Variants in RASSF5 observed in about 807,000 individuals in gnomAD.
RASSF5 encodes the protein ras association domain-containing protein 5.
In RASSF5, 25 loss-of-function variants were observed where a neutral mutation model predicts 40.5. That is an observed-to-expected ratio of 0.62 (90% CI 0.45 to 0.86). The LOEUF (loss-of-function observed/expected upper bound fraction) is 0.86. Among genes scored for constraint, RASSF5 ranks in the 40% least tolerant of loss-of-function variants. The probability of loss-of-function intolerance (pLI) is 0.00; values close to 1 mark genes in which losing one functional copy is unlikely to be tolerated. For synonymous variants in RASSF5, 246 were observed against 252.4 expected, an observed-to-expected ratio of 0.97 and a Z score of 0.24; for missense variants, 521 against 572.8, an observed-to-expected ratio of 0.91 and a Z score of 0.92.
intron 1 of RASSF5, among the ~76,000 whole-genome samples, chr1:206,533,014 C>G (rs1189278855): frequency 6.6e-6 from 1 of 152,188 alleles, no homozygotes; most frequent in Non-Finnish European, 1.5e-5. Context: ...GGGGCAAAAA[C>G]TAACATTGGC....
intron 2 of RASSF5, among the ~76,000 whole-genome samples, chr1:206,570,898 A>G (rs1553404104): frequency 6.6e-6 from 1 of 152,092 alleles, no homozygotes; most frequent in Non-Finnish European, 1.5e-5. Flanking sequence ...GGGTGTTCAA[A>G]TACTGGTTTT....
chr1:206,563,281 GTC>G (rs1668197709), intron 2 of RASSF5, among the ~76,000 whole-genome samples: 1 of 152,196 alleles, frequency 6.6e-6, no homozygotes, highest in African/African-American at 2.4e-5. Context: ...GCATTTAGCT[GTC>G]TCTGCCACAC....
intron 1 of RASSF5, among the ~76,000 whole-genome samples, chr1:206,524,646 T>TTATATATTATGTATAATATATAAAA (rs1667046224): frequency 1.6e-5 from 2 of 128,362 alleles, no homozygotes; most frequent in African/African-American, 6.0e-5. Flanking sequence ...AAAATATATA[T>TTATATATTATGTATAATATATAAAA]TATATATTAT....
chr1:206,567,891 G>T (rs1230643278), intron 2 of RASSF5, among the ~76,000 whole-genome samples: 1 of 152,164 alleles, frequency 6.6e-6, no homozygotes, highest in Non-Finnish European at 1.5e-5. Context: ...CATTATTGTT[G>T]CTACTTAAGA....
At chr1:206,509,435 T>A (rs1348807271) in intron 1 of RASSF5, among the ~76,000 whole-genome samples, 2 of 152,244 alleles carry the variant, frequency 1.3e-5, no homozygotes, top group Non-Finnish European at 2.9e-5. Flanking sequence ...TAAAGGTTTG[T>A]AGAGGTACAT....
intron 1 of RASSF5, among the ~76,000 whole-genome samples, chr1:206,523,515 A>G (rs1666973641): frequency 9.9e-6 from 1 of 101,158 alleles, no homozygotes; most frequent in Non-Finnish European, 1.8e-5. Context: ...TATATATTAT[A>G]TATTATATAT....
At chr1:206,585,405 G>A in intron 5 of RASSF5, 110 bp downstream of exon 5, 2 of 789,884 alleles carry the variant, frequency 2.5e-6, no homozygotes, top group East Asian at 2.5e-5. Context: ...GCACGGGCAG[G>A]AAGGTGACTG....
chr1:206,550,267 T>C (rs1351220677), intron 2 of RASSF5, among the ~76,000 whole-genome samples: 1 of 152,228 alleles, frequency 6.6e-6, no homozygotes, highest in African/African-American at 2.4e-5. Context: ...GGAGGATATA[T>C]CTGAATCCTA....
In RASSF5 at chr1:206,550,275, C is replaced by T. The variant is rs1667799604; in HGVS notation, c.579+11982C>T. 2.0e-5 allele frequency among the ~76,000 whole-genome samples: 3 copies of T among 152,220 alleles called. No individual in the cohort carries two copies. The South Asian group carries it at 6.2e-4, about 32-fold the overall frequency. ...TTAATCAGGAGGATATATCTGAATC[C>T]TATTCCCTCATCTTTGCCAGAAGCA... On this transcript the variant is annotated intron_variant, in intron 2 of 5. Transcript: ENST00000579436.
rs1666479502 is a variant in RASSF5, at chr1:206,507,543, G to T, written c.-60G>T. ...GGGGCGGCCCCTTCTCTCGGGGCTG[G>T]CTCGGGAGTAGCGCAGTCGCCAAAG... On this transcript the variant is annotated 5_prime_UTR_variant, in exon 1 of 6. Coordinates refer to ENST00000579436, the MANE Select transcript of RASSF5 (RefSeq NM_182663.4). The T allele has an allele frequency of 2.3e-6, 3 of 1,323,988 alleles. No homozygotes were observed. The highest frequency in any genetic ancestry group is 2.7e-4 in the Middle Eastern group (1 of 3,746). 82.0% of individuals were successfully genotyped at this position (1,323,988 alleles called of 1,614,324 possible).
chr1:206,519,016 GC>G (rs1666835775), intron 1 of RASSF5, among the ~76,000 whole-genome samples: 1 of 152,074 alleles, frequency 6.6e-6, no homozygotes, highest in Admixed American at 6.5e-5. Flanking sequence ...TAGTGAAGGT[GC>G]AGGCTGCATG....
At chr1:206,570,963 T>C (rs904631316) in intron 2 of RASSF5, among the ~76,000 whole-genome samples, 5 of 152,182 alleles carry the variant, frequency 3.3e-5, no homozygotes, top group Admixed American at 6.5e-5. Flanking sequence ...AGAAGTGTAA[T>C]TGCTGGATCA....
intron 1 of RASSF5, among the ~76,000 whole-genome samples, chr1:206,508,873 C>G (rs1266120834): frequency 6.6e-6 from 1 of 152,096 alleles, no homozygotes; most frequent in Non-Finnish European, 1.5e-5. Flanking sequence ...AAACACTGGG[C>G]CCCCAGTGTA....
chr1:206,581,960 C>T (rs1171722642), intron 2 of RASSF5, among the ~76,000 whole-genome samples: 4 of 152,122 alleles, frequency 2.6e-5, no homozygotes, highest in Non-Finnish European at 4.4e-5. Context: ...AACCCAGACA[C>T]CCACAGGACA....
chr1:206,526,756 C>A (rs1157053721), intron 1 of RASSF5, among the ~76,000 whole-genome samples: 3 of 152,096 alleles, frequency 2.0e-5, no homozygotes, highest in Non-Finnish European at 4.4e-5. Flanking sequence ...AGGAAAGTTG[C>A]ACAGTTCTTC....
chr1:206,525,109 C>T lies in RASSF5; in HGVS notation c.458-13063C>T, dbSNP rs578214007. ...CACTCCTCCCAAGACACCCCTACTTCAACACACCCAGCCTGGCCTGGCCAC... is the reference window on the plus strand; with the variant it reads ...CACTCCTCCCAAGACACCCCTACTTTAACACACCCAGCCTGGCCTGGCCAC... On this transcript the variant is annotated intron_variant, in intron 1 of 5. Coordinates refer to ENST00000579436, the MANE Select transcript of RASSF5 (RefSeq NM_182663.4). Among the ~76,000 whole-genome samples, 10 of 152,322 alleles carry T rather than the reference C, an allele frequency of 6.6e-5. No individual in the cohort carries two copies. In the East Asian group the frequency reaches 1.7e-3, roughly 26 times the overall value.
chr1:206,529,606 AC>A, intron 1 of RASSF5: 1 of 772,682 alleles, frequency 1.3e-6, no homozygotes, highest in South Asian at 1.3e-5. Context: ...AATGACATCC[AC>A]TGTCACTGGG....
chr1:206,562,888 CTCCA>C (rs1553402883), intron 2 of RASSF5, among the ~76,000 whole-genome samples: 1 of 151,886 alleles, frequency 6.6e-6, no homozygotes, highest in African/African-American at 2.4e-5. Flanking sequence ...TGCCACTGCA[CTCCA>C]GCCTGGGCGA....
At chr1:206,542,595 C>G (rs1173092024) in intron 2 of RASSF5, 1 of 152,242 alleles carries the variant, frequency 6.6e-6, no homozygotes, top group Non-Finnish European at 1.5e-5. Context: ...GCAGCAACCT[C>G]GGAAACCAGG....
Sources: gnomAD v4.1 joint callset for allele counts (sites outside exome capture counted in the v4.1 genomes callset) on GRCh38, gnomAD v4.1.1 for gene constraint, MANE v1.5 for transcripts, NCBI Gene and HGNC (gene_info 2026-07-23, HGNC 2026-07-21) for gene names.